The following EYS variants were observed in gnomAD, a reference collection of about 807,000 sequenced individuals.
EYS encodes protein eyes shut homolog.
A neutral mutation model predicts 282.1 loss-of-function variants in EYS; 250 were observed. The ratio of observed to expected loss-of-function variants is 0.89; its 90% confidence interval spans 0.80 to 0.98. EYS has a LOEUF of 0.98. Among genes scored for constraint, EYS ranks in the 50% least tolerant of loss-of-function variants. The pLI is 0.00. For synonymous variants in EYS, 1,355 were observed against 1,282.9 expected (o/e 1.06, Z -1.20); for missense variants, 4,016 against 3,709.0 (o/e 1.08, Z -2.15).
intron 12 of EYS, among the ~76,000 whole-genome samples, chr6:65,251,148 T>G (rs1198975461): frequency 6.6e-6 from 1 of 150,510 alleles, no homozygotes; most frequent in Non-Finnish European, 1.5e-5. Context: ...AATCCAGATA[T>G]AGGTAGTGTC....
intron 26 of EYS, among the ~76,000 whole-genome samples, chr6:64,580,197 C>G (rs545071387): frequency 1.3e-5 from 2 of 152,160 alleles, no homozygotes; most frequent in East Asian, 3.9e-4. Context: ...GATCTCCATT[C>G]TTACAGCAAA....
intron 31 of EYS, among the ~76,000 whole-genome samples, chr6:64,125,586 C>T (rs185940986): frequency 6.6e-6 from 1 of 151,756 alleles, no homozygotes; most frequent in Non-Finnish European, 1.5e-5. Flanking sequence ...GGGATCAAGA[C>T]CATCCTGGCT....
intron 41 of EYS, among the ~76,000 whole-genome samples, chr6:63,731,254 A>G (rs1378817659): frequency 6.6e-6 from 1 of 152,148 alleles, no homozygotes; most frequent in Non-Finnish European, 1.5e-5. Context: ...AGCAGTCATA[A>G]TGATTCCATT....
intron 18 of EYS, among the ~76,000 whole-genome samples, chr6:64,896,545 G>GTTTT (rs796873824): frequency 1.2e-5 from 1 of 85,244 alleles, no homozygotes; most frequent in African/African-American, 3.7e-5. Flanking sequence ...AGGAGTTGTT[G>GTTTT]TTTTTTTTTT....
At chr6:64,349,906 A>G (rs1771558259) in intron 29 of EYS, among the ~76,000 whole-genome samples, 1 of 151,552 alleles carries the variant, frequency 6.6e-6, no homozygotes, top group Non-Finnish European at 1.5e-5. Flanking sequence ...GAAGTCAGCA[A>G]TAAAAATAAA....
At chr6:64,393,162 C>A (rs1372670788) in intron 28 of EYS, among the ~76,000 whole-genome samples, 1 of 152,072 alleles carries the variant, frequency 6.6e-6, no homozygotes, top group Non-Finnish European at 1.5e-5. Flanking sequence ...CAAAAAGAGT[C>A]CAGGACCAGA....
chr6:64,860,394 G>T (rs1231819118), intron 19 of EYS, among the ~76,000 whole-genome samples: 2 of 152,248 alleles, frequency 1.3e-5, no homozygotes, highest in African/African-American at 4.8e-5. Context: ...GCAAGCGAGT[G>T]TGGGGTCGGG....
In EYS at chr6:64,912,703, C is replaced by T; in HGVS notation, c.2422G>A (p.Glu808Lys). The change falls in exon 16 of 43, where the codon GAA becomes AAA. Residue 808 changes from glutamate to lysine, a missense_variant. Coordinates refer to ENST00000503581, the MANE Select transcript of EYS (RefSeq NM_001142800.2). ...TCAGAGTCGCATTCATTTATTTCTTCACTACAGTTCTGTCCAGTCCATCCA... is the reference window on the plus strand; with the variant it reads ...TCAGAGTCGCATTCATTTATTTCTTTACTACAGTTCTGTCCAGTCCATCCA... ...TSGWTGQNCS[E>K]EINECDSDPC... 2 of 1,505,404 alleles carry T rather than the reference C, an allele frequency of 1.3e-6. No homozygotes were observed. Among genetic ancestry groups the T allele is most frequent in the Non-Finnish European group, 1.8e-6 (2 of 1,120,422 alleles). The allele number at this position is 1,505,404 out of a possible 1,614,324, so 93.3% of individuals were successfully genotyped here. A position where few individuals can be genotyped will look rare whatever the true frequency, so the allele number is the denominator to read the frequency against.
chr6:65,069,773 T>A (rs1773853325), intron 12 of EYS, among the ~76,000 whole-genome samples: 1 of 152,010 alleles, frequency 6.6e-6, no homozygotes, highest in African/African-American at 2.4e-5. Flanking sequence ...TAGCTCAGAT[T>A]TTTCTTCTGT....
chr6:64,514,559 C>G (rs1221633246), intron 26 of EYS, among the ~76,000 whole-genome samples: 1 of 151,804 alleles, frequency 6.6e-6, no homozygotes, highest in African/African-American at 2.4e-5. Flanking sequence ...TTAATAGCAA[C>G]TACAATGTCC....
chr6:64,226,084 G>T (rs1056497266), intron 31 of EYS, among the ~76,000 whole-genome samples: 4 of 152,094 alleles, frequency 2.6e-5, no homozygotes, highest in Non-Finnish European at 5.9e-5. Flanking sequence ...AATCTCTGTT[G>T]TAAGAACTTT....
rs113140280 is a variant in EYS at position 65,356,088 on chromosome 6, A to G, written c.1300-2471T>C. Among the ~76,000 whole-genome samples, 577 of 152,218 alleles carry G rather than the reference A, an allele frequency of 3.8e-3. 8 individuals carry two copies. The highest frequency in any genetic ancestry group is 0.012 in the African/African-American group (500 of 41,580). The stretch of plus-strand genomic sequence containing the variant: ...GTGGGATCAATCTAAGTGTCCACCA[A>G]TTGATGACTAGATAAAGAAAATTGT... On this transcript the variant is annotated intron_variant, in intron 8 of 42. Coordinates refer to ENST00000503581, the MANE Select transcript of EYS (RefSeq NM_001142800.2).
At chr6:65,124,651 G>T (rs1046287925) in intron 12 of EYS, among the ~76,000 whole-genome samples, 6 of 152,092 alleles carry the variant, frequency 3.9e-5, no homozygotes, top group Admixed American at 1.3e-4. Context: ...ACAGCTAAAT[G>T]CAGATAGTTC....
intron 40 of EYS, among the ~76,000 whole-genome samples, chr6:63,769,493 ATG>A (rs1304188666): frequency 6.6e-6 from 1 of 152,136 alleles, no homozygotes. Flanking sequence ...CATTCAAAAA[ATG>A]TTATGTATCC....
intron 16 of EYS, among the ~76,000 whole-genome samples, chr6:64,909,626 G>A (rs1023598993): frequency 1.1e-4 from 17 of 151,916 alleles, no homozygotes; most frequent in South Asian, 4.1e-4. Flanking sequence ...ATTAATCACC[G>A]CAGTTTTAGT....
chr6:65,187,289 T>C (rs1030183244), intron 12 of EYS, among the ~76,000 whole-genome samples: 1 of 151,698 alleles, frequency 6.6e-6, no homozygotes, highest in Admixed American at 6.6e-5. Context: ...AGAAATAGAT[T>C]ACTCAGGGTA....
chr6:63,788,259 G>A lies in EYS; in HGVS notation c.7579-10C>T. ...TTTTATGATCATCTACCTTCGAAAG[G>A]GAAAAAAAACCTATTAAAAAAGGAA... On this transcript the variant is annotated splice_polypyrimidine_tract_variant and intron_variant, in intron 38 of 42. Coordinates refer to ENST00000503581, the MANE Select transcript of EYS (RefSeq NM_001142800.2). 1 of 1,515,414 alleles carries A rather than the reference G, an allele frequency of 6.6e-7. No individual in the cohort carries two copies. The highest frequency in any genetic ancestry group is 1.3e-5 in the South Asian group (1 of 76,464). 93.9% of individuals were successfully genotyped at this position (1,515,414 alleles called of 1,614,324 possible). A position where few individuals can be genotyped will look rare whatever the true frequency, so the allele number is the denominator to read the frequency against.
chr6:65,625,858 C>T (rs1168382393), intron 2 of EYS, among the ~76,000 whole-genome samples: 14 of 152,180 alleles, frequency 9.2e-5, no homozygotes, highest in Non-Finnish European at 1.5e-5. Context: ...TTAAATGTAA[C>T]AATTGTCTAT....
intron 12 of EYS, among the ~76,000 whole-genome samples, chr6:65,141,921 A>C (rs905026948): frequency 6.6e-6 from 1 of 152,030 alleles, no homozygotes; most frequent in Non-Finnish European, 1.5e-5. Flanking sequence ...CTCTAAAAAA[A>C]TTTTTGAGGA....
Sources: allele counts gnomAD v4.1 joint callset (sites outside exome capture counted in the v4.1 genomes callset), GRCh38; gene constraint gnomAD v4.1.1; transcripts MANE v1.5; gene names NCBI Gene and HGNC (gene_info 2026-07-23, HGNC 2026-07-21).